Variants in KIF1A observed in about 807,000 individuals in gnomAD.
KIF1A encodes the protein kinesin-like protein KIF1A.
In KIF1A, 46 loss-of-function variants were observed where a neutral mutation model predicts 227.3. The ratio of observed to expected loss-of-function variants is 0.20; its 90% CI spans 0.16 to 0.26. KIF1A has a LOEUF of 0.26. Among genes scored for constraint, KIF1A ranks in the 10% least tolerant of loss-of-function variants. KIF1A has a pLI of 1.00. For missense variants in KIF1A, 1,683 were observed against 2,485.9 expected, an observed-to-expected ratio of 0.68 and a Z score of 6.87; for synonymous variants, 1,022 against 1,012.8, an observed-to-expected ratio of 1.01 and a Z score of -0.17.
intron 44 of KIF1A, 50 bp from the exon 45 acceptor site, chr2:240,721,088 G>C (rs746458531): frequency 1.4e-5 from 23 of 1,602,388 alleles, no homozygotes; most frequent in Admixed American, 8.5e-5. Context: ...GGGGTCTCCG[G>C]CCTCTGTGGG....
At chr2:240,728,515 C>T (rs535040109) in intron 38 of KIF1A, 9 of 729,804 alleles carry the variant, frequency 1.2e-5, no homozygotes, top group Admixed American at 4.7e-5. Context: ...CTTAAGAGTT[C>T]GGCAGGTGCA....
At chr2:240,776,378 C>T (rs1019955274) in intron 10 of KIF1A, among the ~76,000 whole-genome samples, 5 of 152,368 alleles carry the variant, frequency 3.3e-5, no homozygotes, top group African/African-American at 9.6e-5. Context: ...GCCTCTGCCA[C>T]GCTTACCTCC....
chr2:240,720,248 A>G (rs1172635209), intron 45 of KIF1A: 1 of 248,952 alleles, frequency 4.0e-6, no homozygotes, highest in Non-Finnish European at 7.7e-6. Flanking sequence ...AAGCAAGTCC[A>G]GCATCTCTTC....
At chr2:240,780,772 ACACACACACACACACAC>A (rs2053571392) in intron 10 of KIF1A, among the ~76,000 whole-genome samples, 10 of 110,080 alleles carry the variant, frequency 9.1e-5, no homozygotes, top group Middle Eastern at 5.2e-3. Flanking sequence ...ACACAGCTCC[ACACACACACACACACAC>A]ACACAGCTCC....
At position 240,778,511 on chromosome 2, in the gene KIF1A, T is replaced by TAC. The variant is rs60462300; in HGVS notation, c.883-2587_883-2586dup. ...GGCGCTCGCAGCTCCCGCACAGCGT[T>TAC]ACACACACACACACACACACACACA... On this transcript the variant is annotated intron_variant, in intron 10 of 48. Coordinates refer to ENST00000498729, the MANE Select transcript of KIF1A (RefSeq NM_001244008.2). This position sits in a 1 kb window ranked among gnomAD's most constrained non-coding sequence, Gnocchi z 7.2. Among the ~76,000 whole-genome samples the TAC allele has an allele frequency of 0.11, 14,089 of 134,068 alleles. 802 individuals are homozygous for TAC. The highest frequency in any genetic ancestry group is 0.13 in the Non-Finnish European group (8,024 of 63,744). 88.0% of individuals were successfully genotyped at this position (134,068 alleles called of 152,430 possible).
At chr2:240,747,430 G>C in intron 28 of KIF1A, 109 bp from the exon 29 acceptor site, 1 of 770,882 alleles carries the variant, frequency 1.3e-6, no homozygotes, top group East Asian at 2.7e-5. Flanking sequence ...ACAGGAGCCA[G>C]AGCAGGCAGC....
At chr2:240,724,097 A>C in intron 40 of KIF1A, 61 bp from the exon 41 acceptor site, 5 of 1,462,768 alleles carry the variant, frequency 3.4e-6, no homozygotes, top group Non-Finnish European at 3.8e-6. Context: ...ACACACAGCC[A>C]GCCTGGCTGC....
At chr2:240,745,311 A>T in intron 32 of KIF1A, 116 bp downstream of exon 32, 1 of 839,538 alleles carries the variant, frequency 1.2e-6, no homozygotes, top group Non-Finnish European at 2.0e-6. Context: ...TTCCCGGTGC[A>T]CAAGGCAGTC....
rs960902724 is a variant in KIF1A, at chr2:240,775,558, C to T, written c.958+293G>A. Among the ~76,000 whole-genome samples, 2 of 152,206 alleles carry T rather than the reference C, an allele frequency of 1.3e-5. No homozygotes were observed. Among genetic ancestry groups the T allele is most frequent in the Non-Finnish European group, 2.9e-5 (2 of 68,032 alleles). On this transcript the variant is annotated intron_variant, in intron 11 of 48. Coordinates refer to ENST00000498729, the MANE Select transcript of KIF1A (RefSeq NM_001244008.2). The surrounding 1 kb of genome is among the most constrained non-coding windows in gnomAD (Gnocchi z 5.5). ...GGCCCAGAGAAGGATGAGTACTTGGCCTGGGTGTCACAGCCCACCTGACCC... is the reference window on the plus strand; with the variant it reads ...GGCCCAGAGAAGGATGAGTACTTGGTCTGGGTGTCACAGCCCACCTGACCC...
At chr2:240,808,521 T>C (rs2057607856) in intron 1 of KIF1A, among the ~76,000 whole-genome samples, 1 of 151,196 alleles carries the variant, frequency 6.6e-6, no homozygotes, top group Non-Finnish European at 1.5e-5. Flanking sequence ...TTTTTTTTTT[T>C]AATTAGCCAG....
intron 34 of KIF1A, 90 bp from the exon 35 acceptor site, chr2:240,741,467 A>G: frequency 1.0e-6 from 1 of 978,800 alleles, no homozygotes. Flanking sequence ...CCGGGGCCAA[A>G]GGGACTCAGA....
At chr2:240,768,345 A>T (rs921561887) in intron 17 of KIF1A, among the ~76,000 whole-genome samples, 104 of 152,146 alleles carry the variant, frequency 6.8e-4, no homozygotes, top group African/African-American at 2.4e-3. Context: ...CCTGCCTGGG[A>T]CTGGAATCTC....
chr2:240,763,529 T>A (rs1386270749), intron 20 of KIF1A, among the ~76,000 whole-genome samples, 183 bp from the exon 21 acceptor site: 1 of 152,140 alleles, frequency 6.6e-6, no homozygotes, highest in African/African-American at 2.4e-5. Flanking sequence ...TCCCCATAAA[T>A]CCACCCTTGG....
chr2:240,782,141 G>A (rs1048217662), intron 10 of KIF1A: 4 of 985,146 alleles, frequency 4.1e-6, no homozygotes, highest in African/African-American at 1.7e-5. Flanking sequence ...CACGTGGCGC[G>A]CTCCGCGGCA....
At chr2:240,781,993 C>T (rs2054089824) in intron 10 of KIF1A, 3 of 985,320 alleles carry the variant, frequency 3.0e-6, no homozygotes, top group African/African-American at 1.7e-5. Context: ...GAGCACCTCG[C>T]GGATCCCCGT....
At chr2:240,780,426 G>GCTTCCCCGCCTT (rs1299286654) in intron 10 of KIF1A, among the ~76,000 whole-genome samples, 1 of 151,998 alleles carries the variant, frequency 6.6e-6, no homozygotes, top group African/African-American at 2.4e-5. Context: ...CTTCCCGCCT[G>GCTTCCCCGCCTT]CTTCCCCGCC....
rs1311352176 is a variant in KIF1A, at chr2:240,716,065, A to T, written c.*1299T>A. 1.3e-5 allele frequency: 2 copies of T among 152,278 alleles called. No individual in the cohort carries two copies. The highest frequency in any genetic ancestry group is 3.8e-4 in the East Asian group (2 of 5,308). 9.4% of individuals were successfully genotyped at this position (152,278 alleles called of 1,614,324 possible). On this transcript the variant is annotated 3_prime_UTR_variant, in exon 49 of 49. Transcript: ENST00000498729. ...GTCCTGTCCTGGGTGGCCCTCGGAC[A>T]TTGGTGTCTGCAGAGGGGGTGAAAT...
chr2:240,800,458 G>A (rs2056870796), intron 1 of KIF1A, among the ~76,000 whole-genome samples: 1 of 152,220 alleles, frequency 6.6e-6, no homozygotes, highest in Non-Finnish European at 1.5e-5. Context: ...TCCAGAGGAG[G>A]GGCTGCCAAG....
At chr2:240,817,129 T>C (rs1228048633) in intron 1 of KIF1A, among the ~76,000 whole-genome samples, 2 of 152,158 alleles carry the variant, frequency 1.3e-5, no homozygotes, top group Non-Finnish European at 2.9e-5. Flanking sequence ...AACCCTCCTG[T>C]AGCAGGGATG....
Sources: gnomAD v4.1 joint callset for allele counts (sites outside exome capture counted in the v4.1 genomes callset) on GRCh38, gnomAD v4.1.1 for gene constraint, Gnocchi (gnomAD v3.1) non-coding constraint, MANE v1.5 for transcripts, NCBI Gene and HGNC (gene_info 2026-07-23, HGNC 2026-07-21) for gene names.